Variants in ABCG2 observed in about 807,000 individuals in gnomAD.
ABCG2 encodes the protein broad substrate specificity ATP-binding cassette transporter ABCG2.
A neutral mutation model predicts 73.5 loss-of-function variants in ABCG2; 80 were observed. The ratio of observed to expected loss-of-function variants is 1.09; its 90% CI spans 0.91 to 1.31. ABCG2 has a LOEUF of 1.31. Among genes scored for constraint, ABCG2 ranks in the 50% most tolerant of loss-of-function variants. The pLI is 0.00. For missense variants in ABCG2, 796 were observed against 786.2 expected (o/e 1.01, Z -0.15); for synonymous variants, 269 against 282.4 (o/e 0.95, Z 0.48).
At chr4:88,105,118 AAAC>A (rs1722688337) in intron 10 of ABCG2, among the ~76,000 whole-genome samples, 1 of 152,210 alleles carries the variant, frequency 6.6e-6, no homozygotes. Flanking sequence ...GGGAAAGTAA[AAAC>A]AACAATGACA....
chr4:88,102,975 T>C (rs1428686389), intron 10 of ABCG2, among the ~76,000 whole-genome samples: 1 of 152,138 alleles, frequency 6.6e-6, no homozygotes, highest in Non-Finnish European at 1.5e-5. Context: ...AGTGGCATGA[T>C]CATAAACTCA....
chr4:88,131,735 C>A (rs1724889432), intron 4 of ABCG2, 68 bp downstream of exon 4: 8 of 1,127,630 alleles, frequency 7.1e-6, no homozygotes, highest in Non-Finnish European at 1.1e-5. Context: ...GCACATTGAA[C>A]TATCAGCCAA....
chr4:88,196,485 T>C lies in ABCG2; in HGVS notation c.-20+34509A>G, dbSNP rs556659924. On this transcript the variant is annotated intron_variant, in intron 1 of 15. Coordinates refer to the ABCG2 transcript ENST00000515655. ...CATAAGGAAGTTTTTCTGTTATGAG[T>C]GGAGACAGCTTCACACAAGGATTTT... 3.9e-5 allele frequency among the ~76,000 whole-genome samples: 6 copies of C among 152,300 alleles called. No homozygotes were observed. The South Asian group carries it at 1.2e-3, about 32-fold the overall frequency.
At chr4:88,178,155 G>T (rs1442905674) in intron 1 of ABCG2, among the ~76,000 whole-genome samples, 3 of 152,132 alleles carry the variant, frequency 2.0e-5, no homozygotes, top group Admixed American at 6.6e-5. Context: ...CACAGCTCTG[G>T]GAGAAACTCC....
chr4:88,211,358 G>GCCCCCCCCCCC (rs1264405228), intron 1 of ABCG2, among the ~76,000 whole-genome samples: 7 of 33,674 alleles, frequency 2.1e-4, no homozygotes, highest in South Asian at 1.5e-3. Context: ...TTCAACCCCT[G>GCCCCCCCCCCC]CCCCACCCCC....
chr4:88,122,915 T>C (rs2170290), intron 5 of ABCG2, among the ~76,000 whole-genome samples: 23,617 of 152,094 alleles, frequency 0.16, 2,112 homozygotes, highest in East Asian at 0.3. Flanking sequence ...ACAGGAGAGC[T>C]CCAGCTGGCA....
chr4:88,093,371 G>C (rs928499426), intron 15 of ABCG2, among the ~76,000 whole-genome samples: 2 of 151,986 alleles, frequency 1.3e-5, no homozygotes, highest in Non-Finnish European at 2.9e-5. Context: ...AGGTGTGGTG[G>C]TGGGCACCTG....
intron 1 of ABCG2, among the ~76,000 whole-genome samples, chr4:88,198,028 CAAAA>C (rs34030026): frequency 1.7e-5 from 2 of 115,630 alleles, no homozygotes; most frequent in Non-Finnish European, 3.6e-5. Flanking sequence ...AGACTGTCTC[CAAAA>C]AAAAAAAAAA....
intron 1 of ABCG2, among the ~76,000 whole-genome samples, chr4:88,175,019 T>C (rs2110095656): frequency 6.6e-6 from 1 of 152,338 alleles, no homozygotes; most frequent in East Asian, 1.9e-4. Context: ...GTCAGGTTTG[T>C]GGTGTTCTTA....
intron 9 of ABCG2, among the ~76,000 whole-genome samples, chr4:88,109,961 T>G (rs1302480696): frequency 6.6e-6 from 1 of 152,150 alleles, no homozygotes; most frequent in Non-Finnish European, 1.5e-5. Flanking sequence ...TTTTTTATTA[T>G]TTTTTAGAGA....
At chr4:88,155,106 G>T (rs1726848068) in intron 1 of ABCG2, among the ~76,000 whole-genome samples, 1 of 152,178 alleles carries the variant, frequency 6.6e-6, no homozygotes, top group Admixed American at 6.5e-5. Flanking sequence ...TGTCTTGAAG[G>T]AATGGAAAGA....
intron 1 of ABCG2, among the ~76,000 whole-genome samples, chr4:88,211,578 G>C (rs558001618): frequency 7.7e-4 from 117 of 152,072 alleles, no homozygotes; most frequent in Middle Eastern, 3.4e-3. Flanking sequence ...CACCACACCT[G>C]GGTAATTTTT....
At chr4:88,148,466 G>A (rs1486082493) in intron 1 of ABCG2, among the ~76,000 whole-genome samples, 1 of 152,086 alleles carries the variant, frequency 6.6e-6, no homozygotes, top group Admixed American at 6.5e-5. Flanking sequence ...CCATCAAAAG[G>A]GTGCAGCGTG....
At chr4:88,229,035 C>T (rs550289373) in intron 1 of ABCG2, among the ~76,000 whole-genome samples, 46 of 152,298 alleles carry the variant, frequency 3.0e-4, no homozygotes, top group African/African-American at 1.0e-3. Context: ...GCTGGCCACC[C>T]AAGCAAGCAG....
intron 1 of ABCG2, among the ~76,000 whole-genome samples, chr4:88,225,833 C>T (rs1406542109): frequency 2.0e-5 from 3 of 152,110 alleles, no homozygotes; most frequent in African/African-American, 7.2e-5. Flanking sequence ...AATCCACATG[C>T]CTTTCACAAT....
chr4:88,166,097 T>A (rs1410302036), intron 1 of ABCG2, among the ~76,000 whole-genome samples: 1 of 152,090 alleles, frequency 6.6e-6, no homozygotes, highest in East Asian at 1.9e-4. Context: ...TGAAGAGTAT[T>A]TTAAACTGAA....
chr4:88,121,886 A>C lies in ABCG2; in HGVS notation c.532-94T>G, dbSNP rs547788647. 3.2e-6 allele frequency: 4 copies of C among 1,234,638 alleles called. No homozygotes were observed. In the African/African-American group the frequency reaches 6.1e-5, roughly 19 times the overall value. The allele number at this position is 1,234,638 out of a possible 1,614,324, so 76.5% of individuals were successfully genotyped here. On this transcript the variant is annotated intron_variant, in intron 5 of 15. Coordinates refer to ENST00000237612, the MANE Select transcript of ABCG2 (RefSeq NM_004827.3). ...GTGCCAGTCCTGTAAGAGACACTTT[A>C]TCTCATTAAGTTCATTTATTCTGAA...
chr4:88,104,450 C>T (rs187714295), intron 10 of ABCG2, among the ~76,000 whole-genome samples: 1 of 152,152 alleles, frequency 6.6e-6, no homozygotes, highest in Non-Finnish European at 1.5e-5. Context: ...AAATCATATA[C>T]ACAGGCCACT....
chr4:88,102,542 G>A (rs1233016843), intron 10 of ABCG2, among the ~76,000 whole-genome samples: 1 of 151,232 alleles, frequency 6.6e-6, no homozygotes, highest in Non-Finnish European at 1.5e-5. Flanking sequence ...GTTGCAGTGA[G>A]CTGAGATCGC....
Sources: gnomAD v4.1 joint callset for allele counts (sites outside exome capture counted in the v4.1 genomes callset) on GRCh38, gnomAD v4.1.1 for gene constraint, MANE v1.5 for transcripts, NCBI Gene and HGNC (gene_info 2026-07-23, HGNC 2026-07-21) for gene names.